The following PRKAG2 variants were observed in gnomAD, a reference collection of about 807,000 sequenced individuals.
PRKAG2 encodes the protein protein kinase AMP-activated non-catalytic subunit gamma 2.
PRKAG2 carries 26 observed loss-of-function variants against 69.6 expected under a neutral mutation model. That is an observed-to-expected ratio of 0.37 (90% CI 0.27 to 0.52). The LOEUF is 0.52. Ranked by LOEUF, PRKAG2 falls within the 20% of genes least tolerant of loss-of-function variation. The probability of loss-of-function intolerance (pLI) is 0.90; values close to 1 mark genes in which losing one functional copy is unlikely to be tolerated. For missense variants in PRKAG2, 557 were observed against 740.0 expected, an observed-to-expected ratio of 0.75 and a Z score of 2.87; for synonymous variants, 293 against 285.0, an observed-to-expected ratio of 1.03 and a Z score of -0.28.
chr7:151,649,277 C>T (rs1380711017), intron 4 of PRKAG2, among the ~76,000 whole-genome samples: 2 of 152,110 alleles, frequency 1.3e-5, no homozygotes, highest in East Asian at 1.9e-4. Flanking sequence ...AGGCACCTAC[C>T]ACCACACCTG....
chr7:151,837,131 C>T (rs903491269), intron 1 of PRKAG2: 7 of 152,294 alleles, frequency 4.6e-5, no homozygotes, highest in African/African-American at 1.7e-4. Flanking sequence ...GGGAGACAGA[C>T]CGAATCCCAT....
At chr7:151,748,914 C>T (rs563968379) in intron 3 of PRKAG2, among the ~76,000 whole-genome samples, 23 of 148,024 alleles carry the variant, frequency 1.6e-4, no homozygotes, top group Non-Finnish European at 2.6e-4. Flanking sequence ...CCCCCAGTGA[C>T]GACAGTGAGA....
intron 1 of PRKAG2, among the ~76,000 whole-genome samples, chr7:151,790,839 C>T (rs1171859156): frequency 6.6e-6 from 1 of 152,248 alleles, no homozygotes; most frequent in East Asian, 1.9e-4. Context: ...AAGCAGCATC[C>T]TGCTCTAACA....
chr7:151,824,745 C>T (rs1342736203), intron 1 of PRKAG2, among the ~76,000 whole-genome samples: 1 of 152,210 alleles, frequency 6.6e-6, no homozygotes, highest in Non-Finnish European at 1.5e-5. Context: ...GATGCATGTA[C>T]AGCAGTAGCG....
intron 4 of PRKAG2, among the ~76,000 whole-genome samples, chr7:151,672,553 C>T (rs1315567345): frequency 2.0e-5 from 3 of 151,944 alleles, no homozygotes; most frequent in Non-Finnish European, 2.9e-5. Flanking sequence ...CTCCCCCCAG[C>T]CCCCGGTACC....
intron 3 of PRKAG2, among the ~76,000 whole-genome samples, chr7:151,740,558 T>C (rs1186518100): frequency 6.6e-6 from 1 of 152,212 alleles, no homozygotes; most frequent in Non-Finnish European, 1.5e-5. Flanking sequence ...GACTGACTGA[T>C]AGATACGGGG....
chr7:151,718,709 C>A (rs1214446996), intron 3 of PRKAG2, among the ~76,000 whole-genome samples: 1 of 151,042 alleles, frequency 6.6e-6, no homozygotes, highest in Non-Finnish European at 1.5e-5. Flanking sequence ...GCTTTTAATA[C>A]ATTTTTGGGA....
At chr7:151,731,399 C>A (rs1008222867) in intron 3 of PRKAG2, among the ~76,000 whole-genome samples, 40 of 152,348 alleles carry the variant, frequency 2.6e-4, no homozygotes, top group African/African-American at 9.6e-4. Context: ...ACAAGGCCAG[C>A]GGGTGAACAT....
intron 3 of PRKAG2, chr7:151,734,372 G>C (rs1038625179): frequency 6.6e-6 from 1 of 152,092 alleles, no homozygotes. Flanking sequence ...CAGGGGACAT[G>C]GCTTCATACA....
intron 5 of PRKAG2, among the ~76,000 whole-genome samples, chr7:151,609,514 T>A (rs923772162): frequency 6.6e-6 from 1 of 152,192 alleles, no homozygotes; most frequent in African/African-American, 2.4e-5. Context: ...CAAAATGGAT[T>A]TCAACGTGTC....
At chr7:151,827,762 A>AC (rs1444299561) in intron 1 of PRKAG2, among the ~76,000 whole-genome samples, 1 of 149,408 alleles carries the variant, frequency 6.7e-6, no homozygotes, top group Non-Finnish European at 1.5e-5. Context: ...AAAAAAAAAA[A>AC]AAAAAAAAAA....
intron 3 of PRKAG2, among the ~76,000 whole-genome samples, chr7:151,688,011 G>GGGAGGAGGAGGAGGA: frequency 7.9e-6 from 1 of 126,288 alleles, no homozygotes; most frequent in South Asian, 2.8e-4. Context: ...TGGAAGGGGA[G>GGGAGGAGGAGGAGGA]GGAGGAGGAG....
At chr7:151,738,948 G>C (rs2073670755) in intron 3 of PRKAG2, among the ~76,000 whole-genome samples, 2 of 152,122 alleles carry the variant, frequency 1.3e-5, no homozygotes, top group Non-Finnish European at 2.9e-5. Flanking sequence ...GAGGGCCAAG[G>C]GAAGTCTTCC....
At chr7:151,634,972 C>T (rs1209846294) in intron 4 of PRKAG2, among the ~76,000 whole-genome samples, 2 of 137,068 alleles carry the variant, frequency 1.5e-5, no homozygotes, top group Admixed American at 1.5e-4. Flanking sequence ...TTTTTTGAGA[C>T]AGGGTCTCCC....
chr7:151,557,171 C>A lies in PRKAG2; in HGVS notation c.*30G>T. On this transcript the variant is annotated 3_prime_UTR_variant, in exon 16 of 16. Transcript: ENST00000287878. ...GTGACCCAGAGACTTTGTTCAAGTT[C>A]TCCTCCTAGGGCGTCTACATTCACG... The A allele has an allele frequency of 6.2e-7, 1 of 1,614,108 alleles. No homozygotes were observed. Among genetic ancestry groups the A allele is most frequent in the Non-Finnish European group, 8.5e-7 (1 of 1,179,982 alleles).
At chr7:151,648,403 T>C (rs1353231641) in intron 4 of PRKAG2, among the ~76,000 whole-genome samples, 1 of 152,178 alleles carries the variant, frequency 6.6e-6, no homozygotes, top group African/African-American at 2.4e-5. Context: ...ACCGTGGTCC[T>C]CATGCCCCCT....
chr7:151,696,720 C>G (rs779816128), intron 3 of PRKAG2, among the ~76,000 whole-genome samples: 1 of 152,200 alleles, frequency 6.6e-6, no homozygotes, highest in African/African-American at 2.4e-5. Context: ...CATCGGAAGG[C>G]AGGGTCAGGC....
chr7:151,687,924 G>A (rs1191585204), intron 3 of PRKAG2, among the ~76,000 whole-genome samples: 1 of 152,116 alleles, frequency 6.6e-6, no homozygotes, highest in Non-Finnish European at 1.5e-5. Flanking sequence ...CCTCCCCAAC[G>A]GGGCTCCCTC....
rs561503451 is a variant in PRKAG2 at position 151,699,455 on chromosome 7, G to A, written c.467-23818C>T. ...AATTCACTGGGATTGAGATCATCTC[G>A]GCGACTTTATCATGAAGGCCAGCAC... On this transcript the variant is annotated intron_variant, in intron 3 of 15. Coordinates refer to ENST00000287878, the MANE Select transcript of PRKAG2 (RefSeq NM_016203.4). The surrounding 1 kb of genome is among the most constrained non-coding windows in gnomAD (Gnocchi z 4.5). Among the ~76,000 whole-genome samples, 15 of 152,288 alleles carry A rather than the reference G, an allele frequency of 9.8e-5. No homozygotes were observed. In the East Asian group the frequency reaches 2.1e-3, roughly 22 times the overall value.
Sources: allele counts gnomAD v4.1 joint callset (sites outside exome capture counted in the v4.1 genomes callset), GRCh38; gene constraint gnomAD v4.1.1; non-coding constraint Gnocchi (gnomAD v3.1); transcripts MANE v1.5; gene names NCBI Gene and HGNC (gene_info 2026-07-23, HGNC 2026-07-21).